OR7A10: variants seen among roughly 807,000 people sequenced by gnomAD.
The protein encoded by OR7A10 is olfactory receptor 7A10.
For missense variants in OR7A10, 358 were observed against 370.1 expected (o/e 0.97, Z 0.27); for synonymous variants, 144 against 144.5 (o/e 1.00, Z 0.02).
At chr19:14,843,666 GC>G (rs1164914752) in intron 1 of OR7A10, among the ~76,000 whole-genome samples, 1 of 152,182 alleles carries the variant, frequency 6.6e-6, no homozygotes, top group African/African-American at 2.4e-5. Context: ...TTCTCTGAGG[GC>G]ATCTACTCTA....
rs1315513258 is a variant in OR7A10, at chr19:14,848,769, C to T, written c.-282G>A. The T allele has an allele frequency of 6.6e-6, 1 of 152,230 alleles. No individual in the cohort carries two copies. Among genetic ancestry groups the T allele is most frequent in the Non-Finnish European group, 1.5e-5 (1 of 68,050 alleles). 9.4% of individuals were successfully genotyped at this position (152,230 alleles called of 1,614,324 possible). ...AGACATTTCCTCCTGTTATTCAACC[C>T]CTGATCACATTCAGTCCCTGTGGGA... On this transcript the variant is annotated 5_prime_UTR_variant, in exon 1 of 2. Coordinates refer to ENST00000641129, the MANE Select transcript of OR7A10 (RefSeq NM_001005190.2).
chr19:14,844,916 G>T (rs990410737), intron 1 of OR7A10, among the ~76,000 whole-genome samples: 2 of 151,578 alleles, frequency 1.3e-5, no homozygotes, highest in Admixed American at 1.3e-4. Context: ...GCCCACCTCG[G>T]CCTCCCAAAG....
chr19:14,847,806 G>A (rs1034532514), intron 1 of OR7A10, among the ~76,000 whole-genome samples: 22 of 147,044 alleles, frequency 1.5e-4, no homozygotes, highest in African/African-American at 4.7e-4. Flanking sequence ...GAGCCACCAC[G>A]CCGGACCAAA....
rs568638837 is a variant in OR7A10 at position 14,844,726 on chromosome 19, G to A, written c.-12-2837C>T. ...CACCCAGGCTGGAGTGCAGCAGTGCGATCTTGGCTCACTGCAACCTCTGCC... is the reference window on the plus strand; with the variant it reads ...CACCCAGGCTGGAGTGCAGCAGTGCAATCTTGGCTCACTGCAACCTCTGCC... On this transcript the variant is annotated intron_variant, in intron 1 of 1. Coordinates refer to ENST00000641129, the MANE Select transcript of OR7A10 (RefSeq NM_001005190.2). Among the ~76,000 whole-genome samples, 23 of 138,496 alleles carry A rather than the reference G, an allele frequency of 1.7e-4. No individual in the cohort carries two copies. The South Asian group carries it at 2.4e-3, about 14-fold the overall frequency. 90.9% of individuals were successfully genotyped at this position (138,496 alleles called of 152,430 possible). A position where few individuals can be genotyped will look rare whatever the true frequency, so the allele number is the denominator to read the frequency against.
chr19:14,845,397 C>T (rs963038186), intron 1 of OR7A10, among the ~76,000 whole-genome samples: 7 of 151,992 alleles, frequency 4.6e-5, no homozygotes, highest in Admixed American at 3.9e-4. Flanking sequence ...ATTGCTTGAA[C>T]CTGGAAGGCG....
In OR7A10 at chr19:14,844,664, GTT is replaced by G. The variant is rs1348866444; in HGVS notation, c.-12-2777_-12-2776del. Among the ~76,000 whole-genome samples, 5 of 97,654 alleles carry G rather than the reference GTT, an allele frequency of 5.1e-5. 1 individual carries two copies. The highest frequency in any genetic ancestry group is 5.6e-4 in the East Asian group (2 of 3,582). The allele number at this position is 97,654 out of a possible 152,430, so 64.1% of individuals were successfully genotyped here. A position where few individuals can be genotyped will look rare whatever the true frequency, so the allele number is the denominator to read the frequency against. On this transcript the variant is annotated intron_variant, in intron 1 of 1. Coordinates refer to ENST00000641129, the MANE Select transcript of OR7A10 (RefSeq NM_001005190.2). ...TTTTCACTGTTGCCTTGAGTTCTGT[GTT>G]TTTTTTTTTTTTTTGAGATGGAGTC...
At chr19:14,845,464 G>T (rs949585656) in intron 1 of OR7A10, among the ~76,000 whole-genome samples, 2 of 151,220 alleles carry the variant, frequency 1.3e-5, no homozygotes, top group Non-Finnish European at 2.9e-5. Flanking sequence ...AACAGAGCAA[G>T]ACTCCATCTC....
chr19:14,842,998 C>T (rs963828374), intron 1 of OR7A10, among the ~76,000 whole-genome samples: 9 of 152,120 alleles, frequency 5.9e-5, no homozygotes, highest in Non-Finnish European at 1.2e-4. Context: ...AAAAAACAAA[C>T]AACCCCATTA....
chr19:14,840,912 T>A lies in OR7A10; in HGVS notation c.*36A>T. Reference sequence around the variant, plus strand: ...CATTTCTGGCTCTGGGGCTTAGAGCTCTGAAGTCACAGGCCTTTCTTGAAA... The same window carrying A: ...CATTTCTGGCTCTGGGGCTTAGAGCACTGAAGTCACAGGCCTTTCTTGAAA... On this transcript the variant is annotated 3_prime_UTR_variant, in exon 2 of 2. Coordinates refer to ENST00000641129, the MANE Select transcript of OR7A10 (RefSeq NM_001005190.2). The A allele has an allele frequency of 1.4e-6, 2 of 1,463,234 alleles. No homozygotes were observed. Among genetic ancestry groups the A allele is most frequent in the Non-Finnish European group, 1.9e-6 (2 of 1,066,154 alleles). The allele number at this position is 1,463,234 out of a possible 1,614,324, so 90.6% of individuals were successfully genotyped here. A position where few individuals can be genotyped will look rare whatever the true frequency, so the allele number is the denominator to read the frequency against.
At chr19:14,846,670 A>G (rs1377225992) in intron 1 of OR7A10, among the ~76,000 whole-genome samples, 3 of 127,326 alleles carry the variant, frequency 2.4e-5, no homozygotes, top group Non-Finnish European at 4.7e-5. Context: ...AGATCGCGTC[A>G]CTGCACTCCA....
intron 1 of OR7A10, among the ~76,000 whole-genome samples, chr19:14,848,258 T>G (rs145543241): frequency 1.3e-4 from 20 of 152,206 alleles, no homozygotes; most frequent in Non-Finnish European, 7.3e-5. Context: ...ACATTTTCTC[T>G]TCTAATTGGG....
intron 1 of OR7A10, among the ~76,000 whole-genome samples, chr19:14,845,051 G>GCA (rs748918922): frequency 0.025 from 3,435 of 137,350 alleles, 67 homozygotes; most frequent in African/African-American, 0.048. Context: ...CCCTAGAGGT[G>GCA]CACACACACA....
intron 1 of OR7A10, among the ~76,000 whole-genome samples, chr19:14,845,983 T>C (rs1363041630): frequency 6.6e-6 from 1 of 152,090 alleles, no homozygotes; most frequent in Non-Finnish European, 1.5e-5. Context: ...TGAAACCCCA[T>C]CTCTACTAAA....
chr19:14,847,640 A>G (rs964987146), intron 1 of OR7A10, among the ~76,000 whole-genome samples: 12 of 152,012 alleles, frequency 7.9e-5, no homozygotes, highest in Admixed American at 1.3e-4. Flanking sequence ...CCTCCCGAGT[A>G]GCTGGGACTA....
At chr19:14,844,236 G>A (rs2044929529) in intron 1 of OR7A10, among the ~76,000 whole-genome samples, 1 of 152,158 alleles carries the variant, frequency 6.6e-6, no homozygotes, top group African/African-American at 2.4e-5. Context: ...CTCCTACAAA[G>A]TAAAGAAAGA....
intron 1 of OR7A10, among the ~76,000 whole-genome samples, chr19:14,842,511 A>G (rs953480780): frequency 4.6e-5 from 7 of 152,194 alleles, no homozygotes; most frequent in Non-Finnish European, 7.3e-5. Flanking sequence ...TCAGCCTCCC[A>G]AAGTGCTGGG....
rs919945729 is a variant in OR7A10 at position 14,841,355 on chromosome 19, G to C, written c.523C>G (p.Pro175Ala). 1.8e-5 allele frequency: 29 copies of C among 1,613,908 alleles called. No individual in the cohort carries two copies. The highest frequency in any genetic ancestry group is 4.0e-5 in the African/African-American group (3 of 74,846). The change falls in exon 2 of 2, where the codon CCT (proline) becomes GCT (alanine). Residue 175 changes from proline to alanine, a missense_variant. Coordinates refer to ENST00000641129, the MANE Select transcript of OR7A10 (RefSeq NM_001005190.2). ...PLPFCTHMEI[P>A]HFFCEINQVV... ...TGATTAATTTCACAGAAAAAATGAG[G>C]GATTTCCATGTGTGTACAAAAGGGC...
chr19:14,846,346 A>C (rs2044942482), intron 1 of OR7A10, among the ~76,000 whole-genome samples: 1 of 152,246 alleles, frequency 6.6e-6, no homozygotes, highest in South Asian at 2.1e-4. Flanking sequence ...AAAAGAAACG[A>C]ACTTATACAA....
Position 14,840,981 on chromosome 19 carries a change from A to T in OR7A10, c.897T>A (p.Gly299=). 6.2e-7 allele frequency: 1 copy of T among 1,612,106 alleles called. No individual in the cohort carries two copies. Among genetic ancestry groups the T allele is most frequent in the South Asian group, 1.1e-5 (1 of 90,732 alleles). ...TTCCTCTGAAGAATGTTTTCATAGC[A>T]CCCTTTATGTGTTTATTCCTCAGAC... ...IYSLRNKHIK[G]AMKTFFRGKQ Residue 299 remains glycine, a synonymous_variant, in exon 2 of 2, where the codon GGT becomes GGA. Coordinates refer to ENST00000641129, the MANE Select transcript of OR7A10 (RefSeq NM_001005190.2).
Sources: allele counts gnomAD v4.1 joint callset (sites outside exome capture counted in the v4.1 genomes callset), GRCh38; gene constraint gnomAD v4.1.1; transcripts MANE v1.5; gene names NCBI Gene and HGNC (gene_info 2026-07-23, HGNC 2026-07-21).